The following NIPSNAP3B variants were observed in gnomAD, a reference collection of about 807,000 sequenced individuals.
The protein encoded by NIPSNAP3B is nipsnap homolog 3B, also known as protein NipSnap homolog 3B.
NIPSNAP3B carries 30 observed loss-of-function variants against 31.5 expected under a neutral mutation model. The ratio of observed to expected loss-of-function variants is 0.95; its 90% CI spans 0.71 to 1.29. The LOEUF is 1.29. Among genes scored for constraint, NIPSNAP3B ranks in the 50% most tolerant of loss-of-function variants. The probability of loss-of-function intolerance (pLI) is 0.00; values close to 1 mark genes in which losing one functional copy is unlikely to be tolerated. For synonymous variants in NIPSNAP3B, 106 were observed against 107.9 expected (o/e 0.98, Z 0.11); for missense variants, 269 against 300.7 (o/e 0.89, Z 0.78).
At chr9:104,788,643 C>T in the NIPSNAP3B span, 5 of 1,537,860 alleles carry the variant, frequency 3.3e-6, no homozygotes, top group Non-Finnish European at 4.5e-6. Context: ...CCTAATGTTC[C>T]TGTAAAGTAT....
the NIPSNAP3B span, chr9:104,786,761 A>G: frequency 9.8e-7 from 1 of 1,022,470 alleles, no homozygotes; most frequent in Admixed American, 1.8e-5. Context: ...TCAGGTAATA[A>G]TTGTTTTACT....
the NIPSNAP3B span, chr9:104,784,481 TA>T: frequency 6.2e-7 from 1 of 1,613,738 alleles, no homozygotes; most frequent in Non-Finnish European, 8.5e-7. Flanking sequence ...GATGGACCTT[TA>T]TAAATACCAC....
At chr9:104,764,385 CA>C in intron 1 of NIPSNAP3B, 85 bp downstream of exon 1, 8 of 1,204,500 alleles carry the variant, frequency 6.6e-6, no homozygotes, top group Non-Finnish European at 9.1e-6. Context: ...GAGCCACGCT[CA>C]GGCGCTCCCA....
At chr9:104,765,671 T>C (rs149210406) in intron 1 of NIPSNAP3B, among the ~76,000 whole-genome samples, 74 of 152,338 alleles carry the variant, frequency 4.9e-4, no homozygotes, top group Non-Finnish European at 8.8e-4. Flanking sequence ...TTCTCATTTG[T>C]TGAGTTTTTT....
At chr9:104,766,918 T>A (rs1828100835) in intron 2 of NIPSNAP3B, among the ~76,000 whole-genome samples, 1 of 152,174 alleles carries the variant, frequency 6.6e-6, no homozygotes, top group African/African-American at 2.4e-5. Context: ...AAGACATGTA[T>A]ATTTAATAAA....
At position 104,774,413 on chromosome 9, in the gene NIPSNAP3B, C is replaced by G. The variant is rs922466831; in HGVS notation, c.*1340C>G. On this transcript the variant is annotated 3_prime_UTR_variant, in exon 6 of 6. Coordinates refer to ENST00000374762, the MANE Select transcript of NIPSNAP3B (RefSeq NM_018376.4). ...ATGCAGAGTTCAAAGAGGCCTAAGA[C>G]ATCTCACATTTATGTGAAATAGTTG... Among the ~76,000 whole-genome samples, 16 of 152,234 alleles carry G rather than the reference C, an allele frequency of 1.1e-4. No homozygotes were observed.
the NIPSNAP3B span, among the ~76,000 whole-genome samples, chr9:104,784,936 G>A: frequency 0.2 from 29,734 of 151,980 alleles, 3,030 homozygotes; most frequent in East Asian, 0.3. Flanking sequence ...GAGCCACCAC[G>A]CCCGGCCAAA....
chr9:104,775,913 C>T lies in NIPSNAP3B; in HGVS notation c.*2840C>T, dbSNP rs2118809732. Among the ~76,000 whole-genome samples the T allele has an allele frequency of 6.6e-6, 1 of 152,320 alleles. No homozygotes were observed. Among genetic ancestry groups the T allele is most frequent in the African/African-American group, 2.4e-5 (1 of 41,562 alleles). On this transcript the variant is annotated 3_prime_UTR_variant, in exon 6 of 6. Transcript: ENST00000374762. ...TGCTTCACATCCCTATAGCAACTCT[C>T]CTGGTTCAAGCCCATCATCATCTGG... is the stretch of plus-strand genomic sequence containing the variant.
At position 104,777,379 on chromosome 9, in the gene NIPSNAP3B, A is replaced by C. The variant is rs766318861; in HGVS notation, c.*4306A>C. The C allele has an allele frequency of 6.6e-6, 1 of 152,234 alleles. No individual in the cohort carries two copies. The highest frequency in any genetic ancestry group is 1.5e-5 in the Non-Finnish European group (1 of 68,050). The allele number at this position is 152,234 out of a possible 1,614,324, so 9.4% of individuals were successfully genotyped here. A position where few individuals can be genotyped will look rare whatever the true frequency, so the allele number is the denominator to read the frequency against. On this transcript the variant is annotated 3_prime_UTR_variant, in exon 6 of 6. Coordinates refer to ENST00000374762, the MANE Select transcript of NIPSNAP3B (RefSeq NM_018376.4). ...TAGGTTCATTAGAGACACCTCTTTC[A>C]TAACTGCTGTCACCTAGAATGTCTA...
chr9:104,788,310 G>T, the NIPSNAP3B span: 6 of 1,268,722 alleles, frequency 4.7e-6, no homozygotes, highest in Non-Finnish European at 4.4e-6. Context: ...CCAGCATTTT[G>T]TGCTGCTGCA....
Position 104,766,545 on chromosome 9 carries a change from C to A in NIPSNAP3B, c.271+10C>A. On this transcript the variant is annotated intron_variant, in intron 2 of 5. Transcript: ENST00000374762. Reference sequence around the variant, plus strand: ...CATATTTGGAAGTATGGTAAAGAGTCATCCAGTTTTAGTATTCAGTATAGA... The same window carrying A: ...CATATTTGGAAGTATGGTAAAGAGTAATCCAGTTTTAGTATTCAGTATAGA... The A allele has an allele frequency of 1.9e-6, 3 of 1,607,208 alleles. No homozygotes were observed. In the South Asian group the frequency reaches 3.3e-5, roughly 18 times the overall value.
chr9:104,780,615 C>A (rs1828470463), downstream of NIPSNAP3B, among the ~76,000 whole-genome samples: 1 of 152,200 alleles, frequency 6.6e-6, no homozygotes, highest in Non-Finnish European at 1.5e-5. Flanking sequence ...ATAACTGCTA[C>A]ATTGTGTCCT....
At chr9:104,769,333 A>G (rs750206280) in intron 3 of NIPSNAP3B, among the ~76,000 whole-genome samples, 1 of 151,992 alleles carries the variant, frequency 6.6e-6, no homozygotes, top group Non-Finnish European at 1.5e-5. Context: ...GCATGCCTGT[A>G]GTCCCAGCTA....
chr9:104,775,704 A>C lies in NIPSNAP3B; in HGVS notation c.*2631A>C, dbSNP rs1280734065. ...ACCTCCACCTGAATGTCTATTAGAA[A>C]TCTCACACCCCTCTTGTCCAAAACT... On this transcript the variant is annotated 3_prime_UTR_variant, in exon 6 of 6. Transcript: ENST00000374762. Among the ~76,000 whole-genome samples, 1 of 152,124 alleles carries C rather than the reference A, an allele frequency of 6.6e-6. No homozygotes were observed. The highest frequency in any genetic ancestry group is 1.5e-5 in the Non-Finnish European group (1 of 68,008).
intron 3 of NIPSNAP3B, among the ~76,000 whole-genome samples, chr9:104,769,836 T>C (rs1371884232): frequency 2.0e-5 from 3 of 152,176 alleles, no homozygotes; most frequent in Admixed American, 6.5e-5. Flanking sequence ...ATTATTGTAG[T>C]TTAACTTTTG....
At chr9:104,788,277 AC>A in the NIPSNAP3B span, 1 of 1,211,838 alleles carries the variant, frequency 8.3e-7, no homozygotes, top group South Asian at 1.2e-5. Flanking sequence ...ACAGGTTTCC[AC>A]CCTGAAAGCA....
intron 4 of NIPSNAP3B, 105 bp downstream of exon 4, chr9:104,771,103 A>G: frequency 1.9e-6 from 2 of 1,040,020 alleles, no homozygotes; most frequent in Non-Finnish European, 2.8e-6. Context: ...AAATTTTTAG[A>G]GTTTGTTGTT....
At chr9:104,788,301 C>T in the NIPSNAP3B span, 10 of 1,414,496 alleles carry the variant, frequency 7.1e-6, no homozygotes, top group Admixed American at 1.7e-5. Flanking sequence ...TACAAAGAAC[C>T]AGCATTTTGT....
downstream of NIPSNAP3B, chr9:104,782,225 A>G (rs1828586865): frequency 6.6e-6 from 1 of 152,132 alleles, no homozygotes; most frequent in Non-Finnish European, 1.5e-5. Flanking sequence ...GTAAAATGCA[A>G]CGATGCCATA....
Sources: gnomAD v4.1 joint callset for allele counts (sites outside exome capture counted in the v4.1 genomes callset) on GRCh38, gnomAD v4.1.1 for gene constraint, MANE v1.5 for transcripts, NCBI Gene and HGNC (gene_info 2026-07-23, HGNC 2026-07-21) for gene names.